Variants in GRM7 observed in about 807,000 individuals in gnomAD.
GRM7 encodes the protein glutamate metabotropic receptor 7.
Under a neutral mutation model 84.5 loss-of-function variants are expected in GRM7, and 35 were observed. The ratio of observed to expected loss-of-function variants is 0.41; its 90% confidence interval spans 0.32 to 0.55. GRM7 has a LOEUF of 0.55. Among genes scored for constraint, GRM7 ranks in the 20% least tolerant of loss-of-function variants. The pLI is 0.19. For synonymous variants in GRM7, 487 were observed against 455.1 expected, an observed-to-expected ratio of 1.07 and a Z score of -0.89; for missense variants, 1,003 against 1,194.6, an observed-to-expected ratio of 0.84 and a Z score of 2.36.
intron 4 of GRM7, among the ~76,000 whole-genome samples, chr3:7,373,597 A>T (rs1018298311): frequency 6.6e-6 from 1 of 152,180 alleles, no homozygotes; most frequent in Non-Finnish European, 1.5e-5. Context: ...CCTTGTTTTA[A>T]GGTGGAACTT....
chr3:6,942,521 A>G (rs959247869), intron 1 of GRM7, among the ~76,000 whole-genome samples: 1 of 152,132 alleles, frequency 6.6e-6, no homozygotes, highest in African/African-American at 2.4e-5. Context: ...ACTCAGCATA[A>G]TAATTTTGAG....
rs549003027 is a variant in GRM7 at position 7,140,036 on chromosome 3, A to G, written c.520-6416A>G. On this transcript the variant is annotated intron_variant, in intron 1 of 9. Coordinates refer to ENST00000357716, the MANE Select transcript of GRM7 (RefSeq NM_000844.4). ...TACATTTCTTCAAAGGAGACCTACA[A>G]ATGGCCAACAGGTACATGGAAAGGT... Among the ~76,000 whole-genome samples, 7 of 152,170 alleles carry G rather than the reference A, an allele frequency of 4.6e-5. No individual in the cohort carries two copies. In the South Asian group the frequency reaches 1.2e-3, roughly 27 times the overall value.
intron 4 of GRM7, among the ~76,000 whole-genome samples, chr3:7,322,887 A>G (rs982914098): frequency 3.9e-5 from 6 of 152,076 alleles, no homozygotes; most frequent in African/African-American, 1.4e-4. Flanking sequence ...AAAGTGGCGT[A>G]TGGTCGTTAG....
chr3:7,086,141 A>G (rs1482623299), intron 1 of GRM7, among the ~76,000 whole-genome samples: 1 of 152,164 alleles, frequency 6.6e-6, no homozygotes, highest in East Asian at 1.9e-4. Context: ...GCACATTAGC[A>G]TCACTGGATT....
At chr3:7,415,488 C>T (rs965113980) in intron 5 of GRM7, among the ~76,000 whole-genome samples, 1 of 152,070 alleles carries the variant, frequency 6.6e-6, no homozygotes, top group African/African-American at 2.4e-5. Flanking sequence ...AATTCTCTGA[C>T]AAATCCCATG....
chr3:7,085,530 A>C (rs986724214), intron 1 of GRM7, among the ~76,000 whole-genome samples: 1 of 152,122 alleles, frequency 6.6e-6, no homozygotes, highest in African/African-American at 2.4e-5. Flanking sequence ...GATGATCTAG[A>C]GCTTCCATAT....
At chr3:7,293,395 T>G (rs1294749407) in intron 2 of GRM7, among the ~76,000 whole-genome samples, 2 of 152,182 alleles carry the variant, frequency 1.3e-5, no homozygotes, top group Non-Finnish European at 2.9e-5. Context: ...TTTCGTTACT[T>G]CAGTGGCTTG....
At chr3:7,243,610 G>A (rs1420486551) in intron 2 of GRM7, among the ~76,000 whole-genome samples, 1 of 152,112 alleles carries the variant, frequency 6.6e-6, no homozygotes, top group Non-Finnish European at 1.5e-5. Context: ...GGAGAATGTA[G>A]TTCATTCATT....
chr3:7,461,449 G>T (rs889699588), intron 6 of GRM7, 134 bp from the exon 7 acceptor site: 6 of 632,364 alleles, frequency 9.5e-6, no homozygotes, highest in Non-Finnish European at 1.6e-5. Flanking sequence ...GGGCCGTTTT[G>T]GGGGGACCTA....
intron 8 of GRM7, among the ~76,000 whole-genome samples, chr3:7,608,543 C>A (rs931829823): frequency 2.6e-5 from 4 of 152,052 alleles, no homozygotes; most frequent in African/African-American, 9.7e-5. Flanking sequence ...AGTGTCTGTT[C>A]ATGTCCTTTG....
intron 9 of GRM7, chr3:7,682,403 C>G (rs2125143122): frequency 6.7e-6 from 1 of 150,054 alleles, no homozygotes; most frequent in South Asian, 2.1e-4. Flanking sequence ...ATGTGTGCAT[C>G]TATTATACCT....
chr3:7,737,453 G>C (rs1005149863), intron 9 of GRM7, among the ~76,000 whole-genome samples: 1 of 152,136 alleles, frequency 6.6e-6, no homozygotes, highest in Admixed American at 6.6e-5. Flanking sequence ...TATTTCCTTA[G>C]CAAGTGCTTC....
At chr3:7,311,624 C>T (rs959972137) in intron 4 of GRM7, among the ~76,000 whole-genome samples, 3 of 145,078 alleles carry the variant, frequency 2.1e-5, no homozygotes, top group African/African-American at 8.0e-5. Context: ...GATGGAGTCT[C>T]GCTTTGTCAC....
chr3:7,520,784 C>G (rs980433839), intron 7 of GRM7, among the ~76,000 whole-genome samples: 9 of 152,166 alleles, frequency 5.9e-5, no homozygotes, highest in African/African-American at 2.2e-4. Context: ...TGAGGGAGAT[C>G]ATCCAACTTG....
At chr3:7,110,290 A>G (rs1692798912) in intron 1 of GRM7, among the ~76,000 whole-genome samples, 1 of 152,050 alleles carries the variant, frequency 6.6e-6, no homozygotes, top group Non-Finnish European at 1.5e-5. Context: ...CTTATAGGAA[A>G]CTATAATGTA....
chr3:7,352,339 C>T (rs1429179260), intron 4 of GRM7, among the ~76,000 whole-genome samples: 1 of 152,028 alleles, frequency 6.6e-6, no homozygotes, highest in Non-Finnish European at 1.5e-5. Context: ...CATTTTTAAA[C>T]ATTTGTGGAA....
At chr3:7,065,157 A>C (rs1322089084) in intron 1 of GRM7, among the ~76,000 whole-genome samples, 1 of 151,756 alleles carries the variant, frequency 6.6e-6, no homozygotes, top group African/African-American at 2.4e-5. Flanking sequence ...TAGTTTGCTG[A>C]CTGTTCCTTT....
At chr3:7,096,958 G>A (rs1469931009) in intron 1 of GRM7, among the ~76,000 whole-genome samples, 1 of 152,122 alleles carries the variant, frequency 6.6e-6, no homozygotes, top group Non-Finnish European at 1.5e-5. Context: ...TAGTAGAAAC[G>A]TGAAACATCA....
chr3:7,064,568 T>A (rs1250339883), intron 1 of GRM7, among the ~76,000 whole-genome samples: 1 of 82,962 alleles, frequency 1.2e-5, no homozygotes, highest in Non-Finnish European at 2.2e-5. Flanking sequence ...TATATATATA[T>A]ATCACAGTTT....
Sources: gnomAD v4.1 joint callset for allele counts (sites outside exome capture counted in the v4.1 genomes callset) on GRCh38, gnomAD v4.1.1 for gene constraint, MANE v1.5 for transcripts, NCBI Gene and HGNC (gene_info 2026-07-23, HGNC 2026-07-21) for gene names.